The following ZFAND1 variants were observed in gnomAD, a reference collection of about 807,000 sequenced individuals.
The protein encoded by ZFAND1 is zinc finger AN1-type containing 1.
ZFAND1 carries 40 observed loss-of-function variants against 38.5 expected under a neutral mutation model. The ratio of observed to expected loss-of-function variants is 1.04; its 90% confidence interval spans 0.81 to 1.35. ZFAND1 has a LOEUF of 1.35. Ranked by LOEUF, ZFAND1 falls within the 40% of genes most tolerant of loss-of-function variation. The pLI is 0.00. For missense variants in ZFAND1, 346 were observed against 316.3 expected (o/e 1.09, Z -0.71); for synonymous variants, 117 against 103.6 (o/e 1.13, Z -0.78).
chr8:81,712,172 T>G (rs187728551), intron 6 of ZFAND1, among the ~76,000 whole-genome samples: 1 of 152,068 alleles, frequency 6.6e-6, no homozygotes, highest in East Asian at 1.9e-4. Context: ...ATAAAAAAAT[T>G]TACAGTAAAG....
chr8:81,710,941 T>C (rs988620900), intron 6 of ZFAND1, among the ~76,000 whole-genome samples: 4 of 152,124 alleles, frequency 2.6e-5, no homozygotes, highest in Admixed American at 2.0e-4. Context: ...ATGGTACATA[T>C]AGACAGAAAG....
chr8:81,712,976 G>A (rs1808181583), intron 6 of ZFAND1, among the ~76,000 whole-genome samples: 1 of 152,194 alleles, frequency 6.6e-6, no homozygotes, highest in Middle Eastern at 3.4e-3. Flanking sequence ...TAAAGCTGAA[G>A]ATCAGCAAAG....
chr8:81,705,728 C>T (rs1186562819), intron 6 of ZFAND1, among the ~76,000 whole-genome samples: 1 of 152,240 alleles, frequency 6.6e-6, no homozygotes, highest in Non-Finnish European at 1.5e-5. Flanking sequence ...CGAGGCCAGC[C>T]TCGCCAACAT....
At chr8:81,707,576 A>C (rs1808018745) in intron 6 of ZFAND1, among the ~76,000 whole-genome samples, 1 of 152,240 alleles carries the variant, frequency 6.6e-6, no homozygotes, top group East Asian at 1.9e-4. Context: ...TAAAATCTGA[A>C]TATAATAATC....
Position 81,701,641 on chromosome 8 carries a change from C to A in ZFAND1, c.*1054G>T, listed in dbSNP as rs1214238656. On this transcript the variant is annotated 3_prime_UTR_variant, in exon 8 of 8. Coordinates refer to ENST00000220669, the MANE Select transcript of ZFAND1 (RefSeq NM_024699.3). The stretch of plus-strand genomic sequence containing the variant: ...ATAACTATGCTAATGAATGAAAGTA[C>A]AAGAACATAATAAAAGTTGGAAATT... 6.6e-6 allele frequency: 1 copy of A among 152,028 alleles called. No homozygotes were observed. Among genetic ancestry groups the A allele is most frequent in the Non-Finnish European group, 1.5e-5 (1 of 67,982 alleles). The allele number at this position is 152,028 out of a possible 1,614,324, so 9.4% of individuals were successfully genotyped here.
chr8:81,703,229 C>G, intron 6 of ZFAND1, 105 bp from the exon 7 acceptor site: 4 of 742,560 alleles, frequency 5.4e-6, no homozygotes, highest in Non-Finnish European at 7.9e-6. Flanking sequence ...GAATTACCTT[C>G]TAACAAGGTA....
At position 81,709,511 on chromosome 8, in the gene ZFAND1, C is replaced by T. The variant is rs567329323; in HGVS notation, c.480+4407G>A. Among the ~76,000 whole-genome samples, 146 of 151,880 alleles carry T rather than the reference C, an allele frequency of 9.6e-4. 2 individuals are homozygous for T. The highest frequency in any genetic ancestry group is 3.5e-3 in the African/African-American group (143 of 41,398). On this transcript the variant is annotated intron_variant, in intron 6 of 7. Coordinates refer to ENST00000220669, the MANE Select transcript of ZFAND1 (RefSeq NM_024699.3). ...AATGACAGAAAAATATTCTTTATGC[C>T]TTTGCACACATATACAAGTAGAATA... is the stretch of plus-strand genomic sequence containing the variant.
chr8:81,711,318 A>C (rs1808135670), intron 6 of ZFAND1, among the ~76,000 whole-genome samples: 1 of 152,164 alleles, frequency 6.6e-6, no homozygotes, highest in Non-Finnish European at 1.5e-5. Flanking sequence ...AGGCTGAGGC[A>C]GGAGAATCGC....
intron 6 of ZFAND1, among the ~76,000 whole-genome samples, chr8:81,706,757 A>C (rs1192639940): frequency 6.6e-6 from 1 of 152,144 alleles, no homozygotes; most frequent in East Asian, 1.9e-4. Context: ...AAAAACTTCT[A>C]AAATTAATAA....
chr8:81,710,332 C>T (rs1808105070), intron 6 of ZFAND1, among the ~76,000 whole-genome samples: 1 of 152,054 alleles, frequency 6.6e-6, no homozygotes, highest in Admixed American at 6.5e-5. Context: ...GCTTATACTA[C>T]CTTTGCAATT....
At chr8:81,710,930 T>C (rs1207362400) in intron 6 of ZFAND1, among the ~76,000 whole-genome samples, 2 of 152,264 alleles carry the variant, frequency 1.3e-5, no homozygotes, top group African/African-American at 4.8e-5. Flanking sequence ...CACATATACA[T>C]ATGGTACATA....
chr8:81,702,590 A>G lies in ZFAND1; in HGVS notation c.*105T>C. 4 of 1,026,734 alleles carry G rather than the reference A, an allele frequency of 3.9e-6. No individual in the cohort carries two copies. Among genetic ancestry groups the G allele is most frequent in the African/African-American group, 1.7e-5 (1 of 59,654 alleles). 63.6% of individuals were successfully genotyped at this position (1,026,734 alleles called of 1,614,324 possible). On this transcript the variant is annotated 3_prime_UTR_variant, in exon 8 of 8. Coordinates refer to ENST00000220669, the MANE Select transcript of ZFAND1 (RefSeq NM_024699.3). ...TGTGACATAAGGGGAAATAAGTTAAAAAGCAACTTTTAAAAATTACAAAAA... is the reference window on the plus strand; with the variant it reads ...TGTGACATAAGGGGAAATAAGTTAAGAAGCAACTTTTAAAAATTACAAAAA...
intron 6 of ZFAND1, among the ~76,000 whole-genome samples, chr8:81,712,312 A>G (rs1808160411): frequency 6.6e-6 from 1 of 152,184 alleles, no homozygotes; most frequent in Non-Finnish European, 1.5e-5. Flanking sequence ...ATACATTTGC[A>G]TTAAAGTCAG....
At chr8:81,718,159 TC>T (rs1808368897) in intron 2 of ZFAND1, 22 bp downstream of exon 2, 1 of 1,563,070 alleles carries the variant, frequency 6.4e-7, no homozygotes, top group Admixed American at 1.8e-5. Context: ...TACTCCCAAA[TC>T]CTGCATAAAA....
rs985326777 is a variant in ZFAND1, at chr8:81,713,827, G to A, written c.480+91C>T. Reference sequence around the variant, plus strand: ...TTAAGAATGATACATACCAGGTTTAGGTTAGTTGTTAATTGATGGGAAGGA... The same window carrying A: ...TTAAGAATGATACATACCAGGTTTAAGTTAGTTGTTAATTGATGGGAAGGA... On this transcript the variant is annotated intron_variant, in intron 6 of 7. Transcript: ENST00000220669. The A allele has an allele frequency of 1.3e-4, 159 of 1,258,890 alleles. 1 individual carries two copies. Among genetic ancestry groups the A allele is most frequent in the Non-Finnish European group, 5.6e-5 (49 of 870,042 alleles). The allele number at this position is 1,258,890 out of a possible 1,614,324, so 78.0% of individuals were successfully genotyped here. A position where few individuals can be genotyped will look rare whatever the true frequency, so the allele number is the denominator to read the frequency against.
Position 81,721,256 on chromosome 8 carries a change from T to G in ZFAND1, c.26A>C (p.His9Pro), listed in dbSNP as rs199740115. MAELDIGQ[H>P]CQVEHCRQRD... Reference sequence around the variant, plus strand: ...CTGCCGGCAATGCTCCACCTGGCAGTGCTGCCCGATGTCCAACTCCGCCAT... The same window carrying G: ...CTGCCGGCAATGCTCCACCTGGCAGGGCTGCCCGATGTCCAACTCCGCCAT... The change falls in exon 1 of 8, where the codon CAC becomes CCC. Residue 9 changes from histidine to proline, a missense_variant. Physicochemically the swap from His to Pro is moderately conservative, Grantham distance 77. Coordinates refer to ENST00000220669, the MANE Select transcript of ZFAND1 (RefSeq NM_024699.3). 6.5e-7 allele frequency: 1 copy of G among 1,549,210 alleles called. No individual in the cohort carries two copies. Among genetic ancestry groups the G allele is most frequent in the African/African-American group, 1.4e-5 (1 of 73,092 alleles).
chr8:81,704,471 C>T (rs571967445), intron 6 of ZFAND1, among the ~76,000 whole-genome samples: 46 of 146,024 alleles, frequency 3.2e-4, no homozygotes, highest in East Asian at 2.0e-3. Context: ...CCAAGAAGGT[C>T]GAGGCTGCAA....
rs1807829813 is a variant in ZFAND1 at position 81,702,155 on chromosome 8, T to C, written c.*540A>G. 1 of 152,230 alleles carries C rather than the reference T, an allele frequency of 6.6e-6. No homozygotes were observed. The highest frequency in any genetic ancestry group is 6.5e-5 in the Admixed American group (1 of 15,280). The allele number at this position is 152,230 out of a possible 1,614,324, so 9.4% of individuals were successfully genotyped here. ...ATCACTTCTAAGTTTCTATAATTCA[T>C]GTAGATATATCAATTTATACATCAT... On this transcript the variant is annotated 3_prime_UTR_variant, in exon 8 of 8. Transcript: ENST00000220669.
chr8:81,713,325 G>A (rs1233613609), intron 6 of ZFAND1, among the ~76,000 whole-genome samples: 2 of 151,842 alleles, frequency 1.3e-5, no homozygotes, highest in East Asian at 1.9e-4. Flanking sequence ...GGGTTTCACC[G>A]TGTTAGCCAG....
Sources: gnomAD v4.1 joint callset for allele counts (sites outside exome capture counted in the v4.1 genomes callset) on GRCh38, gnomAD v4.1.1 for gene constraint, MANE v1.5 for transcripts, NCBI Gene and HGNC (gene_info 2026-07-23, HGNC 2026-07-21) for gene names.